Variants in VNN2 observed in about 807,000 individuals in gnomAD.
The protein encoded by VNN2 is vanin 2.
VNN2 carries 43 observed loss-of-function variants against 43.0 expected under a neutral mutation model. The ratio of observed to expected loss-of-function variants is 1.00; its 90% CI spans 0.78 to 1.29. The LOEUF (loss-of-function observed/expected upper bound fraction) is 1.29. Ranked by LOEUF, VNN2 falls within the 50% of genes most tolerant of loss-of-function variation. The probability of loss-of-function intolerance (pLI) is 0.00; values close to 1 mark genes in which losing one functional copy is unlikely to be tolerated. For synonymous variants in VNN2, 230 were observed against 224.3 expected (o/e 1.03, Z -0.23); for missense variants, 652 against 619.7 (o/e 1.05, Z -0.55).
At chr6:132,755,088 A>G (rs1474030181) in intron 3 of VNN2, among the ~76,000 whole-genome samples, 1 of 152,170 alleles carries the variant, frequency 6.6e-6, no homozygotes, top group Non-Finnish European at 1.5e-5. Flanking sequence ...GAGGATCACT[A>G]GAGCCCAGGA....
intron 2 of VNN2, among the ~76,000 whole-genome samples, chr6:132,756,267 C>T (rs1255816274): frequency 6.6e-6 from 1 of 152,162 alleles, no homozygotes; most frequent in Non-Finnish European, 1.5e-5. Context: ...CATCAAGGGT[C>T]TCCTCTCTAC....
chr6:132,754,224 A>G (rs983432379), intron 3 of VNN2, among the ~76,000 whole-genome samples: 1 of 152,192 alleles, frequency 6.6e-6, no homozygotes, highest in African/African-American at 2.4e-5. Context: ...AAATAATGCA[A>G]ACAATCTCCC....
chr6:132,753,551 A>T, intron 3 of VNN2: 1 of 438,834 alleles, frequency 2.3e-6, no homozygotes, highest in East Asian at 7.0e-5. Context: ...TAAACTAAAA[A>T]AAAACTTAGT....
chr6:132,750,779 A>C (rs1481891601), intron 5 of VNN2, among the ~76,000 whole-genome samples: 1 of 152,150 alleles, frequency 6.6e-6, no homozygotes, highest in East Asian at 1.9e-4. Flanking sequence ...TTAGTTTTGC[A>C]AGTGAAAATA....
At chr6:132,758,040 T>TTCTTCTTCTTCTTC, upstream of VNN2, 3 of 185,736 alleles carry the variant, frequency 1.6e-5, no homozygotes, top group South Asian at 3.1e-4. Flanking sequence ...CTTCTTCTTC[T>TTCTTCTTCTTCTTC]TTTTTTTTTT....
intron 5 of VNN2, 62 bp from the exon 6 acceptor site, chr6:132,749,927 T>C: frequency 2.0e-6 from 3 of 1,468,840 alleles, no homozygotes; most frequent in Non-Finnish European, 1.8e-6. Context: ...ATACCAGAAA[T>C]GTTGCCTTAG....
Position 132,749,849 on chromosome 6 carries a change from T to A in VNN2, c.1217A>T (p.Lys406Met), listed in dbSNP as rs1202984061. 1 of 1,614,024 alleles carries A rather than the reference T, an allele frequency of 6.2e-7. No individual in the cohort carries two copies. The highest frequency in any genetic ancestry group is 8.5e-7 in the Non-Finnish European group (1 of 1,179,950). Reference protein sequence around the residue: ...REYWQVCTLLKCKTTNLTTCG... With the variant: ...REYWQVCTLLMCKTTNLTTCG... ...AGTTGTCAAATTAGTAGTTTTGCAC[T>A]TCAGCAGTGTGCAGACCTATGTGGA... Residue 406 changes from lysine (K) to methionine (M), a missense_variant, in exon 6 of 7, where the codon AAG becomes ATG. Physicochemically the swap from Lys to Met is moderately conservative, Grantham distance 95. Transcript: ENST00000326499.
intron 5 of VNN2, among the ~76,000 whole-genome samples, chr6:132,750,671 A>G (rs1030297881): frequency 6.6e-6 from 1 of 150,444 alleles, no homozygotes; most frequent in East Asian, 1.9e-4. Flanking sequence ...CAAAAAAAAA[A>G]AAAAGAAAAA....
upstream of VNN2, chr6:132,760,905 T>G (rs1780723667): frequency 6.6e-6 from 1 of 152,164 alleles, no homozygotes; most frequent in African/African-American, 2.4e-5. Context: ...ATGACTAAAT[T>G]CCCTCCTTTG....
intron 6 of VNN2, among the ~76,000 whole-genome samples, chr6:132,748,153 C>G (rs1303344747): frequency 6.6e-6 from 1 of 152,146 alleles, no homozygotes; most frequent in African/African-American, 2.4e-5. Flanking sequence ...CTTGGTGACC[C>G]TGATTTCTCT....
chr6:132,746,369 T>C (rs1359708194), intron 6 of VNN2, among the ~76,000 whole-genome samples: 2 of 152,110 alleles, frequency 1.3e-5, no homozygotes, highest in Non-Finnish European at 2.9e-5. Flanking sequence ...TGTGCATCCA[T>C]CAACAGAACT....
chr6:132,755,292 C>CT (rs35767700), intron 3 of VNN2, among the ~76,000 whole-genome samples: 83,263 of 141,266 alleles, frequency 0.59, 25,109 homozygotes, highest in African/African-American at 0.74. Flanking sequence ...CATCATGCTA[C>CT]TTTTTTTTTT....
intron 5 of VNN2, among the ~76,000 whole-genome samples, chr6:132,750,164 A>C (rs1006310776): frequency 1.3e-5 from 2 of 152,168 alleles, no homozygotes; most frequent in African/African-American, 4.8e-5. Flanking sequence ...ATCTTTGGGC[A>C]ACAATAGTAC....
At chr6:132,753,027 G>T (rs377119840) in intron 3 of VNN2, 12 of 330,624 alleles carry the variant, frequency 3.6e-5, no homozygotes, top group Non-Finnish European at 5.5e-5. Context: ...CCCAAAGTCC[G>T]TAAGCTTTTT....
chr6:132,749,550 G>A, intron 6 of VNN2, 145 bp downstream of exon 6: 1 of 837,086 alleles, frequency 1.2e-6, no homozygotes, highest in South Asian at 1.9e-5. Flanking sequence ...AGTTCAAATT[G>A]CCAACCCACA....
chr6:132,759,184 C>T (rs1780667722), upstream of VNN2, among the ~76,000 whole-genome samples: 1 of 152,040 alleles, frequency 6.6e-6, no homozygotes. Context: ...TGCCTGTAAT[C>T]CTAGCACTTT....
At chr6:132,761,865 TTC>T (rs1780746850), upstream of VNN2, among the ~76,000 whole-genome samples, 1 of 152,158 alleles carries the variant, frequency 6.6e-6, no homozygotes. Context: ...GGACCTCTAT[TTC>T]TCATCTAAAA....
intron 6 of VNN2, among the ~76,000 whole-genome samples, chr6:132,748,399 T>A (rs904675425): frequency 2.0e-5 from 3 of 152,254 alleles, no homozygotes; most frequent in Non-Finnish European, 4.4e-5. Flanking sequence ...CACTGTATGT[T>A]AAATTGTTGG....
rs766425556 is a variant in VNN2 at position 132,757,643 on chromosome 6, A to C, written c.213+28T>G. On this transcript the variant is annotated intron_variant, in intron 1 of 6. Coordinates refer to ENST00000326499, the MANE Select transcript of VNN2 (RefSeq NM_004665.6). ...ACCAGCTCCCATGCCCCTCGTGTACATTATGATTAACAGAAATAAGAGAAT... is the reference window on the plus strand; with the variant it reads ...ACCAGCTCCCATGCCCCTCGTGTACCTTATGATTAACAGAAATAAGAGAAT... 1.9e-6 allele frequency: 3 copies of C among 1,611,696 alleles called. No homozygotes were observed. In the South Asian group the frequency reaches 3.3e-5, roughly 18 times the overall value.
Sources: gnomAD v4.1 joint callset for allele counts (sites outside exome capture counted in the v4.1 genomes callset) on GRCh38, gnomAD v4.1.1 for gene constraint, MANE v1.5 for transcripts, NCBI Gene and HGNC (gene_info 2026-07-23, HGNC 2026-07-21) for gene names.